Variants in NETO2 observed in about 807,000 individuals in gnomAD.
The protein encoded by NETO2 is neuropilin and tolloid like 2, also known as neuropilin and tolloid-like protein 2.
NETO2 carries 28 observed loss-of-function variants against 62.5 expected under a neutral mutation model. The observed-to-expected ratio is 0.45, with a 90% confidence interval of 0.33 to 0.61. The LOEUF (loss-of-function observed/expected upper bound fraction) is 0.61. Ranked by LOEUF, NETO2 falls within the 20% of genes least tolerant of loss-of-function variation. NETO2 has a pLI of 0.02. For synonymous variants in NETO2, 214 were observed against 219.1 expected (o/e 0.98, Z 0.21); for missense variants, 548 against 643.2 (o/e 0.85, Z 1.60).
rs757103854 is a variant in NETO2, at chr16:47,122,759, A to G, written c.552T>C (p.Ala184=). Residue 184 remains alanine, a synonymous_variant, in exon 6 of 9, where the codon GCT becomes GCC. Transcript: ENST00000562435. ...CCTGACTAGAGCGCACTATTCCATC[A>G]GCTCCCGAGAGCTCGAACTGACAAT... is the stretch of plus-strand genomic sequence containing the variant. ...IPDCQFELSG[A]DGIVRSSQVE... 3 of 1,614,082 alleles carry G rather than the reference A, an allele frequency of 1.9e-6. No homozygotes were observed. The highest frequency in any genetic ancestry group is 2.2e-5 in the South Asian group (2 of 91,068).
intron 6 of NETO2, among the ~76,000 whole-genome samples, chr16:47,114,342 A>AT (rs1016951297): frequency 2.8e-5 from 2 of 71,184 alleles, no homozygotes; most frequent in Admixed American, 2.8e-4. Context: ...TTCATAGGTG[A>AT]TTTTTTTTCT....
chr16:47,127,260 T>C (rs1339337885), intron 4 of NETO2, among the ~76,000 whole-genome samples: 2 of 152,186 alleles, frequency 1.3e-5, no homozygotes, highest in African/African-American at 2.4e-5. Flanking sequence ...TGTTTCTGCA[T>C]TAGGGATATG....
chr16:47,105,954 A>G (rs541086463), intron 7 of NETO2, among the ~76,000 whole-genome samples: 5 of 152,248 alleles, frequency 3.3e-5, no homozygotes, highest in Non-Finnish European at 7.3e-5. Context: ...CATATGATCC[A>G]GCAATTCTAC....
chr16:47,139,608 T>C (rs1964424938), intron 1 of NETO2, among the ~76,000 whole-genome samples: 1 of 152,240 alleles, frequency 6.6e-6, no homozygotes, highest in Admixed American at 6.5e-5. Context: ...TGGCAGTCAC[T>C]TGTTTTTGAT....
chr16:47,088,152 T>A (rs1227834480), intron 7 of NETO2, among the ~76,000 whole-genome samples: 2 of 152,180 alleles, frequency 1.3e-5, no homozygotes, highest in African/African-American at 2.4e-5. Flanking sequence ...TTGCCCAGGC[T>A]GGAGTGCAGT....
intron 6 of NETO2, among the ~76,000 whole-genome samples, chr16:47,120,608 T>C (rs1000469949): frequency 2.0e-5 from 3 of 152,254 alleles, no homozygotes; most frequent in Non-Finnish European, 4.4e-5. Context: ...TATCTAATTA[T>C]ACTTTTGTAC....
At chr16:47,142,162 C>G (rs1460870279) in intron 1 of NETO2, among the ~76,000 whole-genome samples, 1 of 152,166 alleles carries the variant, frequency 6.6e-6, no homozygotes, top group East Asian at 1.9e-4. Flanking sequence ...AAAAACATTC[C>G]TTTCCCAGGA....
intron 8 of NETO2, among the ~76,000 whole-genome samples, chr16:47,085,813 C>G (rs928680922): frequency 2.0e-5 from 3 of 152,072 alleles, no homozygotes; most frequent in Non-Finnish European, 4.4e-5. Flanking sequence ...TTTGTCAAAG[C>G]AGCTATGCTA....
rs33994080 is a variant in NETO2, at chr16:47,114,439, C to CTTTTTTTTTTTT, written c.655-4740_655-4729dup. On this transcript the variant is annotated intron_variant, in intron 6 of 8. Coordinates refer to ENST00000562435, the MANE Select transcript of NETO2 (RefSeq NM_018092.5). Reference sequence around the variant, plus strand: ...TTTCATTAGTCCAATTTATAAATTTCTTTTTTTTTTTTTTTTTTTTTTTTT... The same window carrying CTTTTTTTTTTTT: ...TTTCATTAGTCCAATTTATAAATTTCTTTTTTTTTTTTTTTTTTTTTTTTTTTTTTTTTTTTT... Among the ~76,000 whole-genome samples the CTTTTTTTTTTTT allele has an allele frequency of 7.9e-5, 3 of 37,938 alleles. 1 individual carries two copies. Among genetic ancestry groups the CTTTTTTTTTTTT allele is most frequent in the Non-Finnish European group, 1.5e-4 (3 of 19,742 alleles). 24.9% of individuals were successfully genotyped at this position (37,938 alleles called of 152,430 possible).
At chr16:47,101,837 C>T (rs1400285333) in intron 7 of NETO2, among the ~76,000 whole-genome samples, 8 of 151,982 alleles carry the variant, frequency 5.3e-5, no homozygotes, top group African/African-American at 7.3e-5. Context: ...GAATCAATAT[C>T]GTGAAAATGG....
At chr16:47,087,253 T>C (rs1258138217) in intron 7 of NETO2, among the ~76,000 whole-genome samples, 1 of 152,198 alleles carries the variant, frequency 6.6e-6, no homozygotes, top group Non-Finnish European at 1.5e-5. Flanking sequence ...CTTGAACTCC[T>C]GACCTCGTGA....
intron 6 of NETO2, among the ~76,000 whole-genome samples, chr16:47,112,266 C>T (rs905518095): frequency 2.6e-5 from 4 of 152,024 alleles, no homozygotes; most frequent in Non-Finnish European, 5.9e-5. Flanking sequence ...CACCCATGAA[C>T]TAGTTTCTCA....
rs764405475 is a variant in NETO2, at chr16:47,128,518, T to C, written c.288A>G (p.Pro96=). The part of the protein sequence containing the change: ...LTFDEHYYIE[P]SFECRFDHLE... ...AGTGATCAAACCGACACTCAAATGA[T>C]GGTTCTATATAATAATGTTCATCAA... Residue 96 remains proline, a synonymous_variant, in exon 4 of 9, where the codon CCA becomes CCG. Coordinates refer to ENST00000562435, the MANE Select transcript of NETO2 (RefSeq NM_018092.5). 91 of 1,613,738 alleles carry C rather than the reference T, an allele frequency of 5.6e-5. 1 individual carries two copies. In the East Asian group the frequency reaches 1.9e-3, roughly 34 times the overall value.
chr16:47,114,057 T>C (rs910006024), intron 6 of NETO2, among the ~76,000 whole-genome samples: 2 of 152,180 alleles, frequency 1.3e-5, no homozygotes, highest in African/African-American at 4.8e-5. Flanking sequence ...AGTTACTTTA[T>C]AGGAAACCAC....
In NETO2 at chr16:47,143,402, G is replaced by C. The variant is rs970225924; in HGVS notation, c.34+177C>G. ...TCGGAAGCGGCGCGCCCGGAGAGCC[G>C]GCGGAGCCGGGCAGGGCTCGCGCCC... On this transcript the variant is annotated intron_variant, in intron 1 of 8. Coordinates refer to ENST00000562435, the MANE Select transcript of NETO2 (RefSeq NM_018092.5). Among the ~76,000 whole-genome samples, 64 of 152,032 alleles carry C rather than the reference G, an allele frequency of 4.2e-4. 1 individual carries two copies. The Middle Eastern group carries it at 0.01, about 24-fold the overall frequency.
chr16:47,108,051 C>T (rs949278140), intron 7 of NETO2, among the ~76,000 whole-genome samples: 1 of 152,072 alleles, frequency 6.6e-6, no homozygotes, highest in Non-Finnish European at 1.5e-5. Context: ...GCTGGGATTA[C>T]AGGCATGAGC....
intron 1 of NETO2, among the ~76,000 whole-genome samples, chr16:47,136,174 C>T (rs961058087): frequency 2.6e-5 from 4 of 151,968 alleles, no homozygotes; most frequent in Non-Finnish European, 5.9e-5. Context: ...TAAATAAAAA[C>T]AATATATGAT....
intron 1 of NETO2, among the ~76,000 whole-genome samples, chr16:47,141,858 C>G (rs1964466611): frequency 2.6e-5 from 4 of 152,222 alleles, no homozygotes; most frequent in Admixed American, 2.6e-4. Flanking sequence ...CCACGATGGC[C>G]AGAGAGGGCA....
chr16:47,122,994 C>T, intron 4 of NETO2, 82 bp from the exon 5 acceptor site: 1 of 1,312,248 alleles, frequency 7.6e-7, no homozygotes, highest in South Asian at 1.3e-5. Context: ...TCTAACGTTC[C>T]ATTTCATAGC....
Sources: gnomAD v4.1 joint callset for allele counts (sites outside exome capture counted in the v4.1 genomes callset) on GRCh38, gnomAD v4.1.1 for gene constraint, MANE v1.5 for transcripts, NCBI Gene and HGNC (gene_info 2026-07-23, HGNC 2026-07-21) for gene names.